BACH2: variants seen among roughly 807,000 people sequenced by gnomAD.
The protein encoded by BACH2 is BACH transcriptional regulator 2, also known as transcription regulator protein BACH2.
A neutral mutation model predicts 61.8 loss-of-function variants in BACH2; 5 were observed. The observed-to-expected ratio is 0.08, with a 90% CI of 0.04 to 0.17. The LOEUF is 0.17. Among genes scored for constraint, BACH2 ranks in the 10% least tolerant of loss-of-function variants. The pLI, the probability that BACH2 is intolerant of heterozygous loss-of-function variation, is 1.00. For synonymous variants in BACH2, 446 were observed against 440.1 expected (o/e 1.01, Z -0.17); for missense variants, 824 against 1,091.1 (o/e 0.76, Z 3.45).
intron 4 of BACH2, among the ~76,000 whole-genome samples, chr6:90,147,939 T>C (rs1784680318): frequency 6.6e-6 from 1 of 152,020 alleles, no homozygotes; most frequent in Non-Finnish European, 1.5e-5. Context: ...AAACATTAAA[T>C]CAAAAGGCCA....
intron 5 of BACH2, among the ~76,000 whole-genome samples, chr6:90,013,077 CACTGCTAGTATATACATACAAA>C (rs1171633258): frequency 5.9e-5 from 9 of 152,110 alleles, no homozygotes; most frequent in Non-Finnish European, 1.2e-4. Flanking sequence ...TCTAATTTTT[CACTGCTAGTATATACATACAAA>C]TAATTTTTGT....
intron 6 of BACH2, among the ~76,000 whole-genome samples, chr6:89,981,170 C>T (rs1192420929): frequency 5.3e-5 from 8 of 150,352 alleles, no homozygotes; most frequent in Non-Finnish European, 1.2e-4. Flanking sequence ...CTCGCTCTGT[C>T]GCCCAGGCTG....
chr6:90,095,222 G>C (rs1056852420), intron 4 of BACH2, among the ~76,000 whole-genome samples: 2 of 135,308 alleles, frequency 1.5e-5, no homozygotes, highest in Non-Finnish European at 3.1e-5. Context: ...GAAATTCAGA[G>C]ATGAAGTTTT....
intron 4 of BACH2, among the ~76,000 whole-genome samples, chr6:90,141,802 T>G (rs568418666): frequency 6.6e-6 from 1 of 152,322 alleles, no homozygotes; most frequent in African/African-American, 2.4e-5. Flanking sequence ...CTATTCAGGC[T>G]GTGTGCAGTG....
At chr6:90,095,401 G>A (rs1562440375) in intron 4 of BACH2, among the ~76,000 whole-genome samples, 3 of 152,106 alleles carry the variant, frequency 2.0e-5, no homozygotes, top group Non-Finnish European at 4.4e-5. Flanking sequence ...AAGTGGGGAG[G>A]GAGATGCAGT....
At chr6:90,001,502 C>T (rs989058911) in intron 6 of BACH2, 3 of 152,226 alleles carry the variant, frequency 2.0e-5, no homozygotes, top group African/African-American at 7.2e-5. Context: ...ATTGCCTTCA[C>T]ATCCAGAAAC....
At chr6:89,987,199 T>TA (rs1776291004) in intron 6 of BACH2, among the ~76,000 whole-genome samples, 2 of 152,090 alleles carry the variant, frequency 1.3e-5, no homozygotes, top group African/African-American at 2.4e-5. Flanking sequence ...GTATCAGGAT[T>TA]AAAAAAATCA....
chr6:90,276,331 G>A (rs895929547), intron 1 of BACH2, among the ~76,000 whole-genome samples: 2 of 152,164 alleles, frequency 1.3e-5, no homozygotes, highest in Non-Finnish European at 1.5e-5. Context: ...TCCTGAATGA[G>A]AGCACAGAAA....
At chr6:90,015,793 T>C (rs1459701471) in intron 5 of BACH2, among the ~76,000 whole-genome samples, 1 of 152,198 alleles carries the variant, frequency 6.6e-6, no homozygotes, top group Non-Finnish European at 1.5e-5. Flanking sequence ...ATGATGAGTG[T>C]TGTTCAAGTC....
chr6:90,192,409 G>A (rs1315115851), intron 4 of BACH2, among the ~76,000 whole-genome samples: 1 of 151,716 alleles, frequency 6.6e-6, no homozygotes, highest in Admixed American at 6.6e-5. Context: ...AATTGAAAAG[G>A]AACATACAAA....
intron 3 of BACH2, among the ~76,000 whole-genome samples, chr6:90,216,470 T>C (rs1295430811): frequency 7.9e-5 from 12 of 152,002 alleles, no homozygotes; most frequent in Non-Finnish European, 1.8e-4. Context: ...GCTCAGACGG[T>C]GGGGTCATTT....
In BACH2 at chr6:90,145,061, T is replaced by C. The variant is rs532280881; in HGVS notation, c.-161-55952A>G. Among the ~76,000 whole-genome samples, 8 of 151,882 alleles carry C rather than the reference T, an allele frequency of 5.3e-5. No homozygotes were observed. In the East Asian group the frequency reaches 1.6e-3, roughly 29 times the overall value. The stretch of plus-strand genomic sequence containing the variant: ...CCTCCCACCCCCCAAATAAACCACA[T>C]ATAAACTGAGATTATGGTGGTGATT... On this transcript the variant is annotated intron_variant, in intron 4 of 8. Coordinates refer to ENST00000257749, the MANE Select transcript of BACH2 (RefSeq NM_021813.4).
chr6:90,285,341 C>T (rs1771988206), intron 1 of BACH2, among the ~76,000 whole-genome samples: 1 of 152,286 alleles, frequency 6.6e-6, no homozygotes, highest in East Asian at 1.9e-4. Context: ...CACCCTCGCC[C>T]CTGCTTCCCT....
chr6:90,029,171 T>C (rs1462118247), intron 5 of BACH2, among the ~76,000 whole-genome samples: 1 of 152,148 alleles, frequency 6.6e-6, no homozygotes, highest in African/African-American at 2.4e-5. Context: ...CTGCATAGAT[T>C]TAGGGTAACC....
In BACH2 at chr6:90,030,028, T is replaced by C. The variant is rs1000811987; in HGVS notation, c.-12-21172A>G. On this transcript the variant is annotated intron_variant, in intron 5 of 8. Transcript: ENST00000257749. ...GCTTTATTTCTGAAGCTCTCTGTGC[T>C]CAAATACTCACAAATCCAGAAACAC... 1.7e-4 allele frequency among the ~76,000 whole-genome samples: 26 copies of C among 152,190 alleles called. 1 individual carries two copies. Among genetic ancestry groups the C allele is most frequent in the Admixed American group, 1.6e-3 (24 of 15,278 alleles).
At chr6:90,000,831 A>G (rs1276921988) in intron 6 of BACH2, among the ~76,000 whole-genome samples, 2 of 152,198 alleles carry the variant, frequency 1.3e-5, no homozygotes. Flanking sequence ...AAAGTCAGGG[A>G]AAAGTCATAA....
intron 4 of BACH2, among the ~76,000 whole-genome samples, chr6:90,089,325 C>A (rs1461487628): frequency 6.6e-6 from 1 of 152,006 alleles, no homozygotes; most frequent in African/African-American, 2.4e-5. Flanking sequence ...ACTAGAAGCC[C>A]TATTCCTTGA....
At chr6:89,998,496 G>A (rs1245723778) in intron 6 of BACH2, among the ~76,000 whole-genome samples, 2 of 151,978 alleles carry the variant, frequency 1.3e-5, no homozygotes, top group African/African-American at 4.8e-5. Context: ...GAACACTTCC[G>A]AGATCCTAGG....
chr6:90,061,237 AGAG>A (rs903802120), intron 5 of BACH2, among the ~76,000 whole-genome samples: 16 of 152,194 alleles, frequency 1.1e-4, no homozygotes, highest in African/African-American at 3.1e-4. Context: ...GAGAAGTAGC[AGAG>A]GAGACAGAAA....
Sources: allele counts gnomAD v4.1 joint callset (sites outside exome capture counted in the v4.1 genomes callset), GRCh38; gene constraint gnomAD v4.1.1; transcripts MANE v1.5; gene names NCBI Gene and HGNC (gene_info 2026-07-23, HGNC 2026-07-21).